The following DCAF5 variants were observed in gnomAD, a reference collection of about 807,000 sequenced individuals.
The protein encoded by DCAF5 is DDB1 and CUL4 associated factor 5.
A neutral mutation model predicts 80.7 loss-of-function variants in DCAF5; 9 were observed. The observed-to-expected ratio is 0.11, with a 90% CI of 0.07 to 0.19. DCAF5 has a LOEUF of 0.19. Among genes scored for constraint, DCAF5 ranks in the 10% least tolerant of loss-of-function variants. The probability of loss-of-function intolerance (pLI) is 1.00; values close to 1 mark genes in which losing one functional copy is unlikely to be tolerated. For synonymous variants in DCAF5, 433 were observed against 461.9 expected, an observed-to-expected ratio of 0.94 and a Z score of 0.80; for missense variants, 842 against 1,205.7, an observed-to-expected ratio of 0.70 and a Z score of 4.47.
In DCAF5 at chr14:69,152,829, G is replaced by C. The variant is rs1566798362; in HGVS notation, c.150C>G (p.Leu50=). 1.2e-6 allele frequency: 2 copies of C among 1,614,082 alleles called. No individual in the cohort carries two copies. The highest frequency in any genetic ancestry group is 8.5e-7 in the Non-Finnish European group (1 of 1,179,988). The change falls in exon 1 of 9, where the codon CTC becomes CTG. Residue 50 remains leucine, a synonymous_variant. Transcript: ENST00000341516. The surrounding 1 kb of genome is among the most constrained non-coding windows in gnomAD (Gnocchi z 4.1). The part of the protein sequence containing the change: ...GCRNLYKKDL[L]GHFGCVNAIE... The stretch of plus-strand genomic sequence containing the variant: ...TGGCATTGACACAGCCGAAGTGGCC[G>C]AGGAGGTCCTTCTTGTAGAGGTTTC...
chr14:69,068,773 A>T lies in DCAF5; in HGVS notation c.947-6262T>A, dbSNP rs191564602. Among the ~76,000 whole-genome samples the T allele has an allele frequency of 1.3e-3, 191 of 152,242 alleles. 1 individual carries two copies. Among genetic ancestry groups the T allele is most frequent in the African/African-American group, 4.4e-3 (182 of 41,528 alleles). The stretch of plus-strand genomic sequence containing the variant: ...CCTGGTACATCTAAAAAAGGTATCC[A>T]AGCCTCTTAGCATTTCAAAAAGGCC... On this transcript the variant is annotated intron_variant, in intron 7 of 8. Coordinates refer to ENST00000341516, the MANE Select transcript of DCAF5 (RefSeq NM_003861.3).
At position 69,128,699 on chromosome 14, in the gene DCAF5, C is replaced by T. The variant is rs555601343; in HGVS notation, c.215-6339G>A. On this transcript the variant is annotated intron_variant, in intron 1 of 8. Transcript: ENST00000341516. ...AGGAGAATCACTTGAACCCTGGAGGCGGAGGTTGCAGTGAGCAGAGATCGT... is the reference window on the plus strand; with the variant it reads ...AGGAGAATCACTTGAACCCTGGAGGTGGAGGTTGCAGTGAGCAGAGATCGT... 4.6e-5 allele frequency among the ~76,000 whole-genome samples: 7 copies of T among 152,090 alleles called. No individual in the cohort carries two copies. The East Asian group carries it at 9.7e-4, about 21-fold the overall frequency.
Position 69,063,012 on chromosome 14 carries a change from C to G in DCAF5, c.947-501G>C, listed in dbSNP as rs578001657. ...AGCAAACAAAACAAAACAAAAAACC[C>G]CATAAAAACCAAAACCACTGGGGGA... is the stretch of plus-strand genomic sequence containing the variant. On this transcript the variant is annotated intron_variant, in intron 7 of 8. Transcript: ENST00000341516. Among the ~76,000 whole-genome samples, 5 of 152,242 alleles carry G rather than the reference C, an allele frequency of 3.3e-5. No individual in the cohort carries two copies. In the East Asian group the frequency reaches 9.6e-4, roughly 29 times the overall value.
At chr14:69,110,622 T>C (rs1317049362) in intron 5 of DCAF5, among the ~76,000 whole-genome samples, 2 of 152,060 alleles carry the variant, frequency 1.3e-5, no homozygotes, top group African/African-American at 4.8e-5. Flanking sequence ...ACATCTGTAA[T>C]CCTAGCACTT....
At chr14:69,151,270 G>A (rs775714977) in intron 1 of DCAF5, among the ~76,000 whole-genome samples, 16 of 152,106 alleles carry the variant, frequency 1.1e-4, no homozygotes, top group Non-Finnish European at 1.6e-4. Context: ...ACGATCTGGG[G>A]TACAAAAGTC....
At chr14:69,079,983 A>C (rs1477572670) in intron 6 of DCAF5, among the ~76,000 whole-genome samples, 2 of 152,180 alleles carry the variant, frequency 1.3e-5, no homozygotes, top group Admixed American at 6.5e-5. Context: ...CTTTGATAAA[A>C]TGGTATTTTG....
rs371564723 is a variant in DCAF5 at position 69,055,348 on chromosome 14, C to T, written c.1338G>A (p.Leu446=). ...CTGAGCGCTCGCTGACCCCAGCGTG[C>T]AGTTGGAGGATAGTACTCTCACTGA... The part of the protein sequence containing the change: ...SDLSESTILQ[L]HAGVSERSGY... Residue 446 remains leucine (L), a synonymous_variant, in exon 9 of 9, where the codon CTG becomes CTA. Transcript: ENST00000341516. The surrounding 1 kb of genome is among the most constrained non-coding windows in gnomAD (Gnocchi z 5.6). The T allele has an allele frequency of 2.2e-4, 357 of 1,614,176 alleles. 7 individuals carry two copies. In the South Asian group the frequency reaches 2.5e-3, roughly 11 times the overall value.
At chr14:69,119,088 GT>G in intron 3 of DCAF5, 105 bp downstream of exon 3, 1 of 1,085,148 alleles carries the variant, frequency 9.2e-7, no homozygotes, top group South Asian at 1.8e-5. Flanking sequence ...CTGGTTTCAT[GT>G]TGTTTTTTTC....
chr14:69,079,909 T>C (rs2039038085), intron 6 of DCAF5, among the ~76,000 whole-genome samples: 2 of 152,062 alleles, frequency 1.3e-5, no homozygotes, highest in Non-Finnish European at 2.9e-5. Flanking sequence ...GGTTAGCGCA[T>C]ATAGGGAGTG....
At chr14:69,151,057 C>A (rs2041686742) in intron 1 of DCAF5, among the ~76,000 whole-genome samples, 2 of 152,140 alleles carry the variant, frequency 1.3e-5, no homozygotes, top group Admixed American at 1.3e-4. Context: ...TGTAATACAT[C>A]GGGAGTTTTA....
At chr14:69,065,036 T>C (rs927509281) in intron 7 of DCAF5, among the ~76,000 whole-genome samples, 1 of 151,832 alleles carries the variant, frequency 6.6e-6, no homozygotes, top group East Asian at 1.9e-4. Context: ...AGGCTATCAA[T>C]GCCTGAAAAT....
intron 6 of DCAF5, chr14:69,091,126 C>T (rs946961493): frequency 2.6e-6 from 2 of 754,926 alleles, no homozygotes; most frequent in Non-Finnish European, 4.9e-6. Context: ...TGGAAACTCA[C>T]AGCTTGGGCT....
At chr14:69,123,563 T>C (rs552344843) in intron 1 of DCAF5, among the ~76,000 whole-genome samples, 32 of 152,356 alleles carry the variant, frequency 2.1e-4, no homozygotes, top group African/African-American at 7.5e-4. Flanking sequence ...TTTTCAAGTG[T>C]ACAATTCAGT....
At chr14:69,150,202 T>C (rs991161597) in intron 1 of DCAF5, among the ~76,000 whole-genome samples, 1 of 149,046 alleles carries the variant, frequency 6.7e-6, no homozygotes, top group African/African-American at 2.5e-5. Flanking sequence ...GGAACAGGAG[T>C]AGATAAAAAG....
rs762183884 is a variant in DCAF5, at chr14:69,055,762, C to T, written c.1075-151G>A. On this transcript the variant is annotated intron_variant, in intron 8 of 8. Coordinates refer to ENST00000341516, the MANE Select transcript of DCAF5 (RefSeq NM_003861.3). The surrounding 1 kb of genome is among the most constrained non-coding windows in gnomAD (Gnocchi z 5.6). ...AACCAACTTAAAAATAAGTTCTTTA[C>T]CAGACTGGATCATGTGGGTTATGTA... is the stretch of plus-strand genomic sequence containing the variant. 2.5e-6 allele frequency: 2 copies of T among 793,438 alleles called. No homozygotes were observed. The highest frequency in any genetic ancestry group is 2.7e-5 in the East Asian group (1 of 37,320). The allele number at this position is 793,438 out of a possible 1,614,324, so 49.1% of individuals were successfully genotyped here.
At chr14:69,131,099 AG>A (rs2041025909) in intron 1 of DCAF5, among the ~76,000 whole-genome samples, 2 of 152,234 alleles carry the variant, frequency 1.3e-5, no homozygotes, top group South Asian at 4.1e-4. Context: ...ACCTTGTTTT[AG>A]GTAGCATTAA....
chr14:69,060,101 G>A (rs950518186), intron 8 of DCAF5, among the ~76,000 whole-genome samples: 12 of 152,118 alleles, frequency 7.9e-5, no homozygotes, highest in Admixed American at 5.9e-4. Flanking sequence ...ACAGAATGAC[G>A]TCAACAGGCC....
At chr14:69,056,277 G>A (rs1241383113) in intron 8 of DCAF5, among the ~76,000 whole-genome samples, 1 of 152,130 alleles carries the variant, frequency 6.6e-6, no homozygotes, top group Non-Finnish European at 1.5e-5. Flanking sequence ...GGGAGCTGCT[G>A]GCTTAATCCC....
At chr14:69,105,669 T>A (rs1246477380) in intron 5 of DCAF5, among the ~76,000 whole-genome samples, 5 of 151,792 alleles carry the variant, frequency 3.3e-5, no homozygotes, top group African/African-American at 7.3e-5. Context: ...TTGCTTCCTC[T>A]CCTCCTGCCC....
Sources: allele counts gnomAD v4.1 joint callset (sites outside exome capture counted in the v4.1 genomes callset), GRCh38; gene constraint gnomAD v4.1.1; non-coding constraint Gnocchi (gnomAD v3.1); transcripts MANE v1.5; gene names NCBI Gene and HGNC (gene_info 2026-07-23, HGNC 2026-07-21).